CARS2: variants seen among roughly 807,000 people sequenced by gnomAD.
The protein encoded by CARS2 is cysteinyl-tRNA synthetase 2, mitochondrial, also known as probable cysteine--tRNA ligase, mitochondrial.
A neutral mutation model predicts 68.8 loss-of-function variants in CARS2; 52 were observed. The ratio of observed to expected loss-of-function variants is 0.76; its 90% CI spans 0.61 to 0.95. CARS2 has a LOEUF of 0.95. Among genes scored for constraint, CARS2 ranks in the 40% least tolerant of loss-of-function variants. The probability of loss-of-function intolerance (pLI) is 0.00; values close to 1 mark genes in which losing one functional copy is unlikely to be tolerated. For synonymous variants in CARS2, 314 were observed against 303.6 expected (o/e 1.03, Z -0.36); for missense variants, 780 against 754.2 (o/e 1.03, Z -0.40).
rs990176439 is a variant in CARS2, at chr13:110,663,897, C to T, written c.920-379G>A. The T allele has an allele frequency of 8.8e-6, 9 of 1,017,542 alleles. No individual in the cohort carries two copies. The African/African-American group carries it at 1.0e-4, about 12-fold the overall frequency. The allele number at this position is 1,017,542 out of a possible 1,614,324, so 63.0% of individuals were successfully genotyped here. On this transcript the variant is annotated intron_variant, in intron 8 of 14. Transcript: ENST00000257347. ...CAGCATCTGAAGAAACGACAAAGCT[C>T]TCATTTGACAAATCAGGCACTTGGC...
chr13:110,647,484 G>A (rs1336962845), intron 10 of CARS2, among the ~76,000 whole-genome samples: 2 of 151,858 alleles, frequency 1.3e-5, no homozygotes, highest in Non-Finnish European at 2.9e-5. Flanking sequence ...CATGCTCCCA[G>A]TGCTTCCAGC....
At position 110,670,338 on chromosome 13, in the gene CARS2, G is replaced by A. The variant is rs559840181; in HGVS notation, c.786-2865C>T. Among the ~76,000 whole-genome samples the A allele has an allele frequency of 6.6e-6, 1 of 152,186 alleles. No homozygotes were observed. The highest frequency in any genetic ancestry group is 1.5e-5 in the Non-Finnish European group (1 of 68,030). On this transcript the variant is annotated intron_variant, in intron 7 of 14. Transcript: ENST00000257347. This position sits in a 1 kb window ranked among gnomAD's most constrained non-coding sequence, Gnocchi z 4.1. ...GGCTGACTGACACCTCATACAGCCA[G>A]GTGCCCTCTGAGACGAAGCTTCCAG...
intron 3 of CARS2, chr13:110,688,971 A>C (rs2063382917): frequency 6.5e-6 from 1 of 154,396 alleles, no homozygotes; most frequent in Non-Finnish European, 1.5e-5. Flanking sequence ...AAAGTAATTT[A>C]ACACACTACA....
At chr13:110,646,982 C>T in intron 11 of CARS2, 119 bp downstream of exon 11, 1 of 1,281,070 alleles carries the variant, frequency 7.8e-7, no homozygotes, top group Non-Finnish European at 1.0e-6. Flanking sequence ...TCCCTGACCC[C>T]AAACCTCCTG....
chr13:110,663,205 C>T (rs1225264910), intron 9 of CARS2, among the ~76,000 whole-genome samples: 4 of 152,126 alleles, frequency 2.6e-5, no homozygotes, highest in East Asian at 1.9e-4. Context: ...CCTTGAAACA[C>T]GGAAAGAGAA....
Position 110,665,765 on chromosome 13 carries a change from C to G in CARS2, c.919+1575G>C, listed in dbSNP as rs980320567. ...AACGAGGAAGTGACTTCGGGGCAAT[C>G]AGCCTCATCTATTTACTTTCATGAA... On this transcript the variant is annotated intron_variant, in intron 8 of 14. Coordinates refer to ENST00000257347, the MANE Select transcript of CARS2 (RefSeq NM_024537.4). The surrounding 1 kb of genome is among the most constrained non-coding windows in gnomAD (Gnocchi z 4.3). 1.0e-6 allele frequency: 1 copy of G among 985,320 alleles called. No individual in the cohort carries two copies. Among genetic ancestry groups the G allele is most frequent in the African/African-American group, 1.7e-5 (1 of 57,240 alleles). The allele number at this position is 985,320 out of a possible 1,614,324, so 61.0% of individuals were successfully genotyped here. A position where few individuals can be genotyped will look rare whatever the true frequency, so the allele number is the denominator to read the frequency against.
rs1031468466 is a variant in CARS2 at position 110,653,441 on chromosome 13, G to C, written c.988-2341C>G. Among the ~76,000 whole-genome samples, 4 of 152,150 alleles carry C rather than the reference G, an allele frequency of 2.6e-5. No individual in the cohort carries two copies. Among genetic ancestry groups the C allele is most frequent in the African/African-American group, 7.2e-5 (3 of 41,430 alleles). On this transcript the variant is annotated intron_variant, in intron 9 of 14. Transcript: ENST00000257347. This position sits in a 1 kb window ranked among gnomAD's most constrained non-coding sequence, Gnocchi z 5.6. ...TTAACGCACACAGCCATGTCCTGCC[G>C]GTTTCAGTTCAGGTTGCGCCCTATT... is the stretch of plus-strand genomic sequence containing the variant.
At chr13:110,712,991 G>C (rs753089318) in intron 1 of CARS2, 29 of 1,548,492 alleles carry the variant, frequency 1.9e-5, no homozygotes, top group Non-Finnish European at 2.5e-5. Context: ...GGTCTCCCGC[G>C]CACTCTGCGG....
At chr13:110,710,261 A>G (rs1414895236), upstream of CARS2, among the ~76,000 whole-genome samples, 1 of 152,148 alleles carries the variant, frequency 6.6e-6, no homozygotes. Context: ...CGGCACCCGT[A>G]ATCCCAGCTA....
chr13:110,691,987 G>GAAAA lies in CARS2; in HGVS notation c.394-3973_394-3970dup, dbSNP rs36121848. On this transcript the variant is annotated intron_variant, in intron 3 of 14. Transcript: ENST00000257347. ...CAATCCTACCACATAAAGCTGTGCA[G>GAAAA]AAAAAAAAAAAAAAAAATATATATA... is the stretch of plus-strand genomic sequence containing the variant. Among the ~76,000 whole-genome samples, 517 of 76,818 alleles carry GAAAA rather than the reference G, an allele frequency of 6.7e-3. 19 individuals are homozygous for GAAAA. The highest frequency in any genetic ancestry group is 8.6e-3 in the Non-Finnish European group (365 of 42,620). 50.4% of individuals were successfully genotyped at this position (76,818 alleles called of 152,430 possible).
chr13:110,712,015 A>G (rs1427790021), intron 1 of CARS2, among the ~76,000 whole-genome samples: 1 of 152,216 alleles, frequency 6.6e-6, no homozygotes, highest in East Asian at 1.9e-4. Context: ...TACCACCAGA[A>G]TGTGTATCCA....
chr13:110,672,943 T>C (rs2062840686), intron 7 of CARS2, among the ~76,000 whole-genome samples: 1 of 152,056 alleles, frequency 6.6e-6, no homozygotes. Context: ...AACACCTCTA[T>C]GCAAATAAAC....
At chr13:110,711,129 G>A (rs1012672640), upstream of CARS2, among the ~76,000 whole-genome samples, 5 of 152,146 alleles carry the variant, frequency 3.3e-5, 1 homozygote, top group South Asian at 4.1e-4. Flanking sequence ...AGGGAAAGGC[G>A]TAATTTTCCT....
chr13:110,649,520 CAT>C (rs1462752126), intron 10 of CARS2, among the ~76,000 whole-genome samples: 2 of 152,204 alleles, frequency 1.3e-5, no homozygotes, highest in African/African-American at 4.8e-5. Flanking sequence ...TTGTGTGTGA[CAT>C]AAAGTGTGCT....
chr13:110,651,004 G>A lies in CARS2; in HGVS notation c.1054+30C>T, dbSNP rs548292341. ...AGAATGACTGTCTCCGAGCTGGGGG[G>A]GGAGTCCACTCCACGTGTGCTCGGC... On this transcript the variant is annotated intron_variant, in intron 10 of 14. Transcript: ENST00000257347. 44 of 1,548,442 alleles carry A rather than the reference G, an allele frequency of 2.8e-5. No individual in the cohort carries two copies. The African/African-American group carries it at 5.0e-4, about 18-fold the overall frequency.
At chr13:110,657,675 T>C (rs916180580) in intron 9 of CARS2, among the ~76,000 whole-genome samples, 4 of 152,210 alleles carry the variant, frequency 2.6e-5, no homozygotes, top group African/African-American at 9.6e-5. Context: ...TAGACAACCA[T>C]GACTTTGCAA....
rs1259623820 is a variant in CARS2 at position 110,676,080 on chromosome 13, G to C, written c.785+894C>G. Among the ~76,000 whole-genome samples the C allele has an allele frequency of 6.6e-6, 1 of 152,214 alleles. No homozygotes were observed. Among genetic ancestry groups the C allele is most frequent in the African/African-American group, 2.4e-5 (1 of 41,442 alleles). ...GAGGCAGGAGAATCGCTTGAACCTG[G>C]GAGGCGGAGGTTGCGGTGAGCCGAG... is the stretch of plus-strand genomic sequence containing the variant. On this transcript the variant is annotated intron_variant, in intron 7 of 14. Transcript: ENST00000257347. This position sits in a 1 kb window ranked among gnomAD's most constrained non-coding sequence, Gnocchi z 4.0.
intron 3 of CARS2, chr13:110,697,949 C>T (rs1469650198): frequency 2.2e-5 from 10 of 455,760 alleles, no homozygotes; most frequent in Non-Finnish European, 4.4e-5. Flanking sequence ...GGACCTCACA[C>T]CATTCCTTTG....
intron 9 of CARS2, among the ~76,000 whole-genome samples, chr13:110,656,809 G>A (rs1372052820): frequency 3.3e-5 from 5 of 151,956 alleles, no homozygotes; most frequent in Middle Eastern, 3.2e-3. Context: ...GCGTGAACCC[G>A]GAAGGCGGAG....
Sources: allele counts gnomAD v4.1 joint callset (sites outside exome capture counted in the v4.1 genomes callset), GRCh38; gene constraint gnomAD v4.1.1; non-coding constraint Gnocchi (gnomAD v3.1); transcripts MANE v1.5; gene names NCBI Gene and HGNC (gene_info 2026-07-23, HGNC 2026-07-21).